The following TCEANC2 variants were observed in gnomAD, a reference collection of about 807,000 sequenced individuals.
TCEANC2 encodes transcription elongation factor A N-terminal and central domain containing 2, also known as transcription elongation factor A N-terminal and central domain-containing protein 2.
TCEANC2 carries 20 observed loss-of-function variants against 22.8 expected under a neutral mutation model. The ratio of observed to expected loss-of-function variants is 0.88; its 90% CI spans 0.62 to 1.28. The LOEUF is 1.28. Ranked by LOEUF, TCEANC2 falls within the 50% of genes most tolerant of loss-of-function variation. The pLI, the probability that TCEANC2 is intolerant of heterozygous loss-of-function variation, is 0.00. For missense variants in TCEANC2, 251 were observed against 249.7 expected, an observed-to-expected ratio of 1.01 and a Z score of -0.03; for synonymous variants, 84 against 95.5, an observed-to-expected ratio of 0.88 and a Z score of 0.70.
intron 3 of TCEANC2, among the ~76,000 whole-genome samples, chr1:54,086,565 A>G (rs74085163): frequency 0.097 from 14,756 of 152,206 alleles, 1,683 homozygotes; most frequent in African/African-American, 0.28. Flanking sequence ...AAATGTTTTA[A>G]GAGCTGCAAG....
chr1:54,096,315 CG>C lies in TCEANC2; in HGVS notation c.472del (p.Glu158LysfsTer18). 1.3e-6 allele frequency: 2 copies of C among 1,598,800 alleles called. No individual in the cohort carries two copies. The highest frequency in any genetic ancestry group is 2.2e-5 in the South Asian group (2 of 90,724). On this transcript the variant is annotated frameshift_variant, in exon 5 of 5. Transcript: ENST00000234827. LOFTEE classifies it high-confidence loss of function. This position sits in a 1 kb window ranked among gnomAD's most constrained non-coding sequence, Gnocchi z 4.9. ...TCACCTACTGGTTGAAAATATTGAACGGGAAACGTTTCATCTCTGCTCCCGC... is the reference window on the plus strand; with the variant it reads ...TCACCTACTGGTTGAAAATATTGAACGGAAACGTTTCATCTCTGCTCCCGC... ...MDHLLVENIE[R>X]ETFHLCSRLI...
intron 3 of TCEANC2, among the ~76,000 whole-genome samples, chr1:54,075,798 G>A (rs1658133020): frequency 1.3e-5 from 2 of 152,106 alleles, no homozygotes; most frequent in Admixed American, 1.3e-4. Flanking sequence ...TGAATCACTT[G>A]AGGTCAGGAG....
In TCEANC2 at chr1:54,054,460, A is replaced by G. The variant is rs1657702906; in HGVS notation, c.38A>G (p.Asn13Ser). 6.2e-7 allele frequency: 1 copy of G among 1,614,138 alleles called. No homozygotes were observed. Among genetic ancestry groups the G allele is most frequent in the African/African-American group, 1.3e-5 (1 of 75,050 alleles). The change falls in exon 2 of 5, where the codon AAT (asparagine) becomes AGT (serine). Residue 13 changes from asparagine (N) to serine (S), a missense_variant. Physicochemically the swap from Asn to Ser is conservative, Grantham distance 46. Transcript: ENST00000234827. ...GTCATTCGAACGCCTAGAATCCAGA[A>G]TAGCCCTCAGAAGAAAGATTCTGGA... ...KFVIRTPRIQ[N>S]SPQKKDSGGK...
chr1:54,068,991 C>A, intron 3 of TCEANC2, 94 bp downstream of exon 3: 1 of 1,281,974 alleles, frequency 7.8e-7, no homozygotes, highest in Non-Finnish European at 1.0e-6. Context: ...AAGTTATCTG[C>A]CTTATCAATG....
At chr1:54,057,442 T>A (rs1657773894) in intron 2 of TCEANC2, among the ~76,000 whole-genome samples, 1 of 150,126 alleles carries the variant, frequency 6.7e-6, no homozygotes, top group South Asian at 2.1e-4. Context: ...CTGCCCTCCT[T>A]GGCCTCCTGA....
chr1:54,101,385 A>G lies in TCEANC2; in HGVS notation c.*4912A>G, dbSNP rs578067812. On this transcript the variant is annotated 3_prime_UTR_variant, in exon 5 of 5. Transcript: ENST00000234827. ...ACATTGTATTTTCTTTAAATCAATCAAAATGATACAATTACTGTCAGGGAT... is the reference window on the plus strand; with the variant it reads ...ACATTGTATTTTCTTTAAATCAATCGAAATGATACAATTACTGTCAGGGAT... The G allele has an allele frequency of 6.6e-6, 1 of 152,352 alleles. No individual in the cohort carries two copies. Among genetic ancestry groups the G allele is most frequent in the Admixed American group, 6.5e-5 (1 of 15,306 alleles). 9.4% of individuals were successfully genotyped at this position (152,352 alleles called of 1,614,324 possible).
rs1033006415 is a variant in TCEANC2 at position 54,097,091 on chromosome 1, C to T, written c.*618C>T. On this transcript the variant is annotated 3_prime_UTR_variant, in exon 5 of 5. Coordinates refer to ENST00000234827, the MANE Select transcript of TCEANC2 (RefSeq NM_153035.3). ...TGAGGCTACTAATGAGGAACTGGCC[C>T]GAAGCCTCCCACACCTCAGGGTTTA... The T allele has an allele frequency of 3.3e-5, 20 of 599,408 alleles. No homozygotes were observed. In the East Asian group the frequency reaches 4.3e-4, roughly 13 times the overall value. The allele number at this position is 599,408 out of a possible 1,614,324, so 37.1% of individuals were successfully genotyped here.
At chr1:54,086,623 G>A (rs2100379705) in intron 3 of TCEANC2, among the ~76,000 whole-genome samples, 2 of 152,320 alleles carry the variant, frequency 1.3e-5, no homozygotes, top group Middle Eastern at 3.4e-3. Context: ...AATGAAGATA[G>A]AAAGTAGGTA....
At chr1:54,071,830 G>C (rs112089629) in intron 3 of TCEANC2, among the ~76,000 whole-genome samples, 27 of 144,370 alleles carry the variant, frequency 1.9e-4, no homozygotes, top group African/African-American at 6.4e-4. Flanking sequence ...TTTTTTTTTT[G>C]AGACAGGGTC....
chr1:54,107,619 ATAAT>A (rs1340092333), downstream of TCEANC2, among the ~76,000 whole-genome samples: 1 of 152,096 alleles, frequency 6.6e-6, no homozygotes, highest in East Asian at 1.9e-4. Flanking sequence ...AATTTTTTTG[ATAAT>A]TTATTTATTA....
chr1:54,068,394 G>A (rs1348211175), intron 2 of TCEANC2, among the ~76,000 whole-genome samples: 2 of 152,182 alleles, frequency 1.3e-5, no homozygotes, highest in Admixed American at 6.5e-5. Context: ...TGACTTCCCT[G>A]CTCGCTGTTC....
At chr1:54,066,386 T>C (rs1333567923) in intron 2 of TCEANC2, among the ~76,000 whole-genome samples, 2 of 152,178 alleles carry the variant, frequency 1.3e-5, no homozygotes, top group East Asian at 3.8e-4. Flanking sequence ...GGATTAAACA[T>C]GCCTATTAAA....
chr1:54,056,906 G>A (rs1657761950), intron 2 of TCEANC2, among the ~76,000 whole-genome samples: 1 of 151,928 alleles, frequency 6.6e-6, no homozygotes, highest in South Asian at 2.1e-4. Flanking sequence ...GCTGGGTATG[G>A]TGGGGAGCGC....
At chr1:54,065,240 AAG>A (rs1386276341) in intron 2 of TCEANC2, among the ~76,000 whole-genome samples, 1 of 152,234 alleles carries the variant, frequency 6.6e-6, no homozygotes, top group East Asian at 1.9e-4. Flanking sequence ...CATAGCTAAA[AAG>A]AGAAATATTT....
At chr1:54,073,730 T>C (rs1371479775) in intron 3 of TCEANC2, among the ~76,000 whole-genome samples, 1 of 152,188 alleles carries the variant, frequency 6.6e-6, no homozygotes, top group Admixed American at 6.5e-5. Flanking sequence ...GTGGGAAAAG[T>C]GTTGGACAAA....
chr1:54,077,442 A>C (rs534317944), intron 3 of TCEANC2, among the ~76,000 whole-genome samples: 119 of 152,206 alleles, frequency 7.8e-4, no homozygotes, highest in Middle Eastern at 3.4e-3. Context: ...AAGTAATTTC[A>C]TACTATCCAA....
chr1:54,091,524 AT>A lies in TCEANC2; in HGVS notation c.438+2735del, dbSNP rs1226166858. ...CTCATTACATTTTTGTAGAAAAAAAATGTTTCCATGTTGTTTCACTCATATC... is the reference window on the plus strand; with the variant it reads ...CTCATTACATTTTTGTAGAAAAAAAAGTTTCCATGTTGTTTCACTCATATC... On this transcript the variant is annotated intron_variant, in intron 4 of 4. Transcript: ENST00000234827. 3.9e-5 allele frequency among the ~76,000 whole-genome samples: 6 copies of A among 152,328 alleles called. No individual in the cohort carries two copies. In the East Asian group the frequency reaches 7.7e-4, roughly 20 times the overall value.
chr1:54,055,199 A>G (rs1195544534), intron 2 of TCEANC2, among the ~76,000 whole-genome samples: 3 of 152,064 alleles, frequency 2.0e-5, no homozygotes, highest in Non-Finnish European at 4.4e-5. Context: ...CCTGACCTCA[A>G]AATGATCCAC....
chr1:54,110,216 C>T (rs1040042592), downstream of TCEANC2, among the ~76,000 whole-genome samples: 1 of 152,150 alleles, frequency 6.6e-6, no homozygotes, highest in Non-Finnish European at 1.5e-5. Context: ...TCTTGGGAGC[C>T]CCTTGTCCCT....
Sources: gnomAD v4.1 joint callset for allele counts (sites outside exome capture counted in the v4.1 genomes callset) on GRCh38, gnomAD v4.1.1 for gene constraint, Gnocchi (gnomAD v3.1) non-coding constraint, MANE v1.5 for transcripts, NCBI Gene and HGNC (gene_info 2026-07-23, HGNC 2026-07-21) for gene names.